Variants in PABPC1 observed in about 807,000 individuals in gnomAD.
PABPC1 encodes poly(A) binding protein cytoplasmic 1, also known as polyadenylate-binding protein 1.
PABPC1 carries 4 observed loss-of-function variants against 74.0 expected under a neutral mutation model. The observed-to-expected ratio is 0.05, with a 90% CI of 0.03 to 0.12. PABPC1 has a LOEUF of 0.12. Ranked by LOEUF, PABPC1 falls within the 10% of genes least tolerant of loss-of-function variation. The probability of loss-of-function intolerance (pLI) is 1.00; values close to 1 mark genes in which losing one functional copy is unlikely to be tolerated. For synonymous variants in PABPC1, 227 were observed against 264.1 expected, an observed-to-expected ratio of 0.86 and a Z score of 1.36; for missense variants, 271 against 821.1, an observed-to-expected ratio of 0.33 and a Z score of 8.19.
At chr8:100,704,245 T>C (rs926621308) in intron 14 of PABPC1, 52 bp downstream of exon 14, 13 of 1,363,804 alleles carry the variant, frequency 9.5e-6, no homozygotes, top group East Asian at 6.9e-5. Flanking sequence ...ACAAACTTTA[T>C]AAAAGATGAA....
At chr8:100,710,397 G>C (rs1218815963) in intron 7 of PABPC1, among the ~76,000 whole-genome samples, 1 of 152,086 alleles carries the variant, frequency 6.6e-6, no homozygotes, top group African/African-American at 2.4e-5. Flanking sequence ...AGGAACAAAC[G>C]GTAATAAAAC....
intron 9 of PABPC1, among the ~76,000 whole-genome samples, chr8:100,707,589 T>A (rs1370349613): frequency 1.3e-5 from 2 of 152,218 alleles, no homozygotes; most frequent in Non-Finnish European, 2.9e-5. Context: ...AATTTACTAC[T>A]GCTATCTAGA....
intron 1 of PABPC1, among the ~76,000 whole-genome samples, chr8:100,718,506 T>C (rs1435813312): frequency 6.6e-6 from 1 of 152,218 alleles, no homozygotes; most frequent in African/African-American, 2.4e-5. Flanking sequence ...ATTTCTCACA[T>C]ATAAAAGAAT....
At chr8:100,720,614 T>G (rs1249618860) in intron 1 of PABPC1, among the ~76,000 whole-genome samples, 1 of 152,218 alleles carries the variant, frequency 6.6e-6, no homozygotes, top group Non-Finnish European at 1.5e-5. Context: ...AGATAAAATT[T>G]GACTAAAAAT....
chr8:100,707,174 A>G (rs1810401906), intron 9 of PABPC1, 177 bp from the exon 10 acceptor site: 1 of 524,322 alleles, frequency 1.9e-6, no homozygotes, highest in Non-Finnish European at 3.5e-6. Context: ...AAGTAAAAAC[A>G]TTAATTCATA....
rs1273475191 is a variant in PABPC1, at chr8:100,712,421, T to C, written c.913A>G (p.Ile305Val). The change falls in exon 7 of 15, where the codon ATT becomes GTT. Residue 305 changes from isoleucine to valine, a missense_variant. Ile to Val is a conservative substitution (Grantham distance 29). Around this residue, in one of 7 missense-constraint regions of PABPC1, gnomAD observed 78 missense variants for 202.8 expected, o/e 0.38. Transcript: ENST00000318607. ...NLYVKNLDDGIDDERLRKEFS... is the reference protein window; with the variant it reads ...NLYVKNLDDGVDDERLRKEFS... ...TCTTTCCGGAGACGTTCATCATCAA[T>C]ACCATCATCAAGATTTTTCACATAA... 10 of 1,610,138 alleles carry C rather than the reference T, an allele frequency of 6.2e-6. No homozygotes were observed. Among genetic ancestry groups the C allele is most frequent in the Non-Finnish European group, 8.5e-6 (10 of 1,177,578 alleles).
chr8:100,718,519 C>T (rs1023195606), intron 1 of PABPC1, among the ~76,000 whole-genome samples: 5 of 152,114 alleles, frequency 3.3e-5, no homozygotes, highest in Admixed American at 3.3e-4. Flanking sequence ...AAAAGAATTC[C>T]ATATTGCTAA....
chr8:100,720,447 T>C (rs1810788900), intron 1 of PABPC1, among the ~76,000 whole-genome samples: 1 of 152,248 alleles, frequency 6.6e-6, no homozygotes, highest in Non-Finnish European at 1.5e-5. Flanking sequence ...TTGAACTTCT[T>C]GCATGCTACA....
chr8:100,704,340 G>C lies in PABPC1; in HGVS notation c.1869C>G (p.Ala623=). 3 of 1,614,064 alleles carry C rather than the reference G, an allele frequency of 1.9e-6. No individual in the cohort carries two copies. Among genetic ancestry groups the C allele is most frequent in the Non-Finnish European group, 2.5e-6 (3 of 1,179,992 alleles). Residue 623 remains alanine, a synonymous_variant, in exon 14 of 15, where the codon GCC becomes GCG. Transcript: ENST00000318607. ...CGGTGGCACTGTTAACTGCTTTCTGGGCAGCCTCTTTAGCTTGGTGGGCTT... is the reference window on the plus strand; with the variant it reads ...CGGTGGCACTGTTAACTGCTTTCTGCGCAGCCTCTTTAGCTTGGTGGGCTT... ...VLQAHQAKEA[A]QKAVNSATGV...
chr8:100,718,112 G>A lies in PABPC1; in HGVS notation c.362C>T (p.Ala121Val). ...CTTACATGAAAGGATGTTACCAAAAGCAGAAAATGTATCATACAGTGCTTT... is the reference window on the plus strand; with the variant it reads ...CTTACATGAAAGGATGTTACCAAAAACAGAAAATGTATCATACAGTGCTTT... ...DNKALYDTFS[A>V]FGNILSCKVV... Residue 121 changes from alanine (A) to valine (V), a missense_variant, in exon 2 of 15, where the codon GCT (alanine) becomes GTT (valine). Physicochemically the swap from Ala to Val is moderately conservative, Grantham distance 64 (BLOSUM62 0). Coordinates refer to ENST00000318607, the MANE Select transcript of PABPC1 (RefSeq NM_002568.4). 6.2e-7 allele frequency: 1 copy of A among 1,613,826 alleles called. No individual in the cohort carries two copies. The highest frequency in any genetic ancestry group is 8.5e-7 in the Non-Finnish European group (1 of 1,179,760).
At chr8:100,720,136 T>C (rs56016468) in intron 1 of PABPC1, among the ~76,000 whole-genome samples, 7,580 of 152,192 alleles carry the variant, frequency 0.05, 625 homozygotes, top group African/African-American at 0.17. Context: ...TTATTTGACA[T>C]GTATTCAAGT....
chr8:100,715,387 T>C, intron 4 of PABPC1, 75 bp downstream of exon 4: 3 of 1,313,236 alleles, frequency 2.3e-6, no homozygotes, highest in Non-Finnish European at 3.1e-6. Context: ...TTTTTTAGTA[T>C]AAAGTAATAG....
intron 14 of PABPC1, chr8:100,704,072 A>C (rs1810318176): frequency 4.9e-6 from 2 of 408,654 alleles, no homozygotes; most frequent in Non-Finnish European, 8.8e-6. Context: ...AAAAAAAAAA[A>C]AAACACCACC....
chr8:100,715,694 G>A, intron 3 of PABPC1, 93 bp from the exon 4 acceptor site: 1 of 762,826 alleles, frequency 1.3e-6, no homozygotes, highest in South Asian at 2.9e-5. Context: ...CTGTTAATGA[G>A]AATATTCAGA....
At chr8:100,705,147 T>C (rs1236448428) in intron 12 of PABPC1, 91 bp from the exon 13 acceptor site, 5 of 1,000,902 alleles carry the variant, frequency 5.0e-6, no homozygotes, top group Non-Finnish European at 7.5e-6. Flanking sequence ...TTAAGAACCA[T>C]ACTTCTGTCT....
At chr8:100,704,108 C>A in intron 14 of PABPC1, 189 bp downstream of exon 14, 13 of 446,254 alleles carry the variant, frequency 2.9e-5, no homozygotes, top group South Asian at 1.3e-4. Flanking sequence ...TTTAAAAATC[C>A]AACAGTTAAC....
intron 14 of PABPC1, among the ~76,000 whole-genome samples, chr8:100,703,940 A>C (rs1317406305): frequency 6.6e-6 from 1 of 151,734 alleles, no homozygotes; most frequent in Non-Finnish European, 1.5e-5. Context: ...TGTTAATCCC[A>C]GCTGCTCGGG....
intron 3 of PABPC1, among the ~76,000 whole-genome samples, chr8:100,715,979 C>T (rs994976850): frequency 6.6e-6 from 1 of 152,224 alleles, no homozygotes; most frequent in African/African-American, 2.4e-5. Flanking sequence ...CTTTCTTTGC[C>T]ATCTCCTAGA....
Position 100,716,629 on chromosome 8 carries a change from T to G in PABPC1, c.504-1028A>C, listed in dbSNP as rs554102761. Among the ~76,000 whole-genome samples the G allele has an allele frequency of 2.6e-5, 4 of 152,380 alleles. No individual in the cohort carries two copies. In the South Asian group the frequency reaches 6.2e-4, roughly 24 times the overall value. Reference sequence around the variant, plus strand: ...TTCGCTATGCTATTAGTTTCATAAATGTTCTCAAAGGGAGCGTATTTCATT... The same window carrying G: ...TTCGCTATGCTATTAGTTTCATAAAGGTTCTCAAAGGGAGCGTATTTCATT... On this transcript the variant is annotated intron_variant, in intron 3 of 14. Coordinates refer to ENST00000318607, the MANE Select transcript of PABPC1 (RefSeq NM_002568.4).
Sources: gnomAD v4.1 joint callset for allele counts (sites outside exome capture counted in the v4.1 genomes callset) on GRCh38, gnomAD v4.1.1 for gene constraint, gnomAD v4.1.1 regional missense constraint, MANE v1.5 for transcripts, NCBI Gene and HGNC (gene_info 2026-07-23, HGNC 2026-07-21) for gene names.